The following TBCK variants were observed in gnomAD, a reference collection of about 807,000 sequenced individuals.
TBCK encodes TBC domain-containing protein kinase-like protein.
A neutral mutation model predicts 113.4 loss-of-function variants in TBCK; 99 were observed. The ratio of observed to expected loss-of-function variants is 0.87; its 90% CI spans 0.74 to 1.03. TBCK has a LOEUF of 1.03. TBCK is among the 50% of genes least tolerant of loss of function. The pLI, the probability that TBCK is intolerant of heterozygous loss-of-function variation, is 0.00. For missense variants in TBCK, 1,045 were observed against 1,061.3 expected (o/e 0.98, Z 0.21); for synonymous variants, 369 against 370.8 (o/e 1.00, Z 0.05).
At chr4:106,097,664 T>C (rs545145935) in intron 24 of TBCK, among the ~76,000 whole-genome samples, 8 of 152,246 alleles carry the variant, frequency 5.3e-5, no homozygotes, top group Non-Finnish European at 1.0e-4. Context: ...ACAATACAAT[T>C]TCCCATGTGA....
chr4:106,080,123 T>C lies in TBCK; in HGVS notation c.2571+15359A>G, dbSNP rs1056635884. On this transcript the variant is annotated intron_variant, in intron 25 of 25. Transcript: ENST00000394708. ...CATACTGCCCAAAGCAATCTACAGA[T>C]TCAACATTATTCCTGTGAAACTACC... Among the ~76,000 whole-genome samples, 39 of 152,206 alleles carry C rather than the reference T, an allele frequency of 2.6e-4. 1 individual carries two copies. The highest frequency in any genetic ancestry group is 6.0e-4 in the African/African-American group (25 of 41,516).
chr4:106,245,181 GA>G (rs1359563533), intron 10 of TBCK, among the ~76,000 whole-genome samples: 1 of 152,130 alleles, frequency 6.6e-6, no homozygotes, highest in Non-Finnish European at 1.5e-5. Flanking sequence ...ACTCCAGAGG[GA>G]ACCAGTCAAA....
intron 25 of TBCK, among the ~76,000 whole-genome samples, chr4:106,091,346 C>T: frequency 6.6e-6 from 1 of 152,184 alleles, no homozygotes; most frequent in Non-Finnish European, 1.5e-5. Context: ...GGACATCAAG[C>T]CATTCACGAA....
In TBCK at chr4:106,248,893, T is replaced by C. The variant is rs113619185; in HGVS notation, c.720+28A>G. The C allele has an allele frequency of 3.2e-6, 5 of 1,562,906 alleles. No homozygotes were observed. In the South Asian group the frequency reaches 5.9e-5, roughly 19 times the overall value. ...AGGTATTTTGTTATAGCAGCACAAA[T>C]GGACTAAGACCCAGATTAATGACAA... On this transcript the variant is annotated intron_variant, in intron 8 of 25. Coordinates refer to ENST00000394708, the MANE Select transcript of TBCK (RefSeq NM_001163435.3).
intron 24 of TBCK, among the ~76,000 whole-genome samples, chr4:106,097,850 A>AT (rs981927173): frequency 1.3e-5 from 2 of 152,054 alleles, no homozygotes; most frequent in African/African-American, 4.8e-5. Flanking sequence ...ATTTCTGTAT[A>AT]TTTTTTATTA....
At chr4:106,263,206 A>G in intron 3 of TBCK, among the ~76,000 whole-genome samples, 1 of 152,042 alleles carries the variant, frequency 6.6e-6, no homozygotes. Context: ...CTAAAATTAA[A>G]TTAGTGTTTG....
At chr4:106,262,823 A>AT (rs1018285807) in intron 3 of TBCK, among the ~76,000 whole-genome samples, 2 of 151,224 alleles carry the variant, frequency 1.3e-5, no homozygotes, top group Non-Finnish European at 3.0e-5. Flanking sequence ...CATCTCCCTA[A>AT]TTTTTTTTCC....
chr4:106,195,583 G>C (rs1754139900), intron 20 of TBCK, among the ~76,000 whole-genome samples: 1 of 151,680 alleles, frequency 6.6e-6, no homozygotes, highest in Admixed American at 6.6e-5. Flanking sequence ...TCTCCAGTGT[G>C]GGTAGGTATC....
chr4:106,074,138 A>G (rs895922213), intron 25 of TBCK, among the ~76,000 whole-genome samples: 6 of 152,152 alleles, frequency 3.9e-5, no homozygotes, highest in Non-Finnish European at 8.8e-5. Flanking sequence ...AGCAGTCCCA[A>G]TGAGATGAAC....
intron 14 of TBCK, among the ~76,000 whole-genome samples, 154 bp downstream of exon 14, chr4:106,236,236 T>C (rs1759441553): frequency 6.6e-6 from 1 of 151,950 alleles, no homozygotes; most frequent in Admixed American, 6.6e-5. Context: ...ACTAAGAACA[T>C]GTATCATTTT....
chr4:106,184,327 C>A (rs1752761295), intron 22 of TBCK, among the ~76,000 whole-genome samples: 1 of 151,926 alleles, frequency 6.6e-6, no homozygotes, highest in South Asian at 2.1e-4. Flanking sequence ...ACTGGAGATT[C>A]TATAGAGAAA....
intron 2 of TBCK, among the ~76,000 whole-genome samples, chr4:106,307,962 T>A (rs1315941465): frequency 6.8e-6 from 1 of 148,120 alleles, no homozygotes; most frequent in Non-Finnish European, 1.5e-5. Flanking sequence ...TAATGGAGTT[T>A]AAAAAAAAAA....
At chr4:106,146,246 C>A (rs1349506531) in intron 23 of TBCK, among the ~76,000 whole-genome samples, 1 of 152,082 alleles carries the variant, frequency 6.6e-6, no homozygotes, top group Non-Finnish European at 1.5e-5. Context: ...TATACATATA[C>A]ATGGAATACT....
At position 106,316,034 on chromosome 4, in the gene TBCK, T is replaced by G. The variant is rs1768809674; in HGVS notation, c.-133A>C. 1 of 152,916 alleles carries G rather than the reference T, an allele frequency of 6.5e-6. No homozygotes were observed. The highest frequency in any genetic ancestry group is 2.4e-5 in the African/African-American group (1 of 41,448). 9.5% of individuals were successfully genotyped at this position (152,916 alleles called of 1,614,324 possible). A position where few individuals can be genotyped will look rare whatever the true frequency, so the allele number is the denominator to read the frequency against. ...GGCTGCTGCTGCCGCTACGGCTTAG[T>G]GCACCAGACGCTGCATTTCAGGTGC... On this transcript the variant is annotated 5_prime_UTR_variant, in exon 1 of 26. Transcript: ENST00000394708.
rs116608045 is a variant in TBCK at position 106,178,760 on chromosome 4, T to C, written c.2060-7490A>G. Among the ~76,000 whole-genome samples the C allele has an allele frequency of 5.7e-3, 867 of 152,080 alleles. 10 individuals are homozygous for C. Among genetic ancestry groups the C allele is most frequent in the African/African-American group, 0.02 (837 of 41,532 alleles). On this transcript the variant is annotated intron_variant, in intron 22 of 25. Coordinates refer to ENST00000394708, the MANE Select transcript of TBCK (RefSeq NM_001163435.3). The stretch of plus-strand genomic sequence containing the variant: ...TTTCATCTATGTCCATCAGGGATAT[T>C]GGTATTTAGAATGAGTTTGAAAGTA...
intron 22 of TBCK, among the ~76,000 whole-genome samples, chr4:106,174,222 T>G (rs1751362667): frequency 6.6e-6 from 1 of 152,136 alleles, no homozygotes; most frequent in Non-Finnish European, 1.5e-5. Context: ...TATATTTGAT[T>G]CCTAACTTTT....
chr4:106,191,909 C>T (rs1753712793), intron 22 of TBCK, among the ~76,000 whole-genome samples: 1 of 152,016 alleles, frequency 6.6e-6, no homozygotes, highest in Admixed American at 6.6e-5. Context: ...GATAAAATTA[C>T]CAGAATTTCA....
At chr4:106,062,873 A>C (rs573041855) in intron 25 of TBCK, among the ~76,000 whole-genome samples, 2 of 152,030 alleles carry the variant, frequency 1.3e-5, no homozygotes, top group African/African-American at 4.8e-5. Flanking sequence ...TTTACCATAT[A>C]ATATTTCTAG....
chr4:106,161,693 G>GGTGT (rs1462841972), intron 23 of TBCK, among the ~76,000 whole-genome samples: 5 of 143,572 alleles, frequency 3.5e-5, no homozygotes, highest in African/African-American at 1.1e-4. Context: ...ACCAGAATTA[G>GGTGT]GTGTGTCTGT....
Sources: allele counts gnomAD v4.1 joint callset (sites outside exome capture counted in the v4.1 genomes callset), GRCh38; gene constraint gnomAD v4.1.1; transcripts MANE v1.5; gene names NCBI Gene and HGNC (gene_info 2026-07-23, HGNC 2026-07-21).